CRB1: variants seen among roughly 807,000 people sequenced by gnomAD.
The protein encoded by CRB1 is crumbs cell polarity complex component 1.
Under a neutral mutation model 120.0 loss-of-function variants are expected in CRB1, and 83 were observed. The ratio of observed to expected loss-of-function variants is 0.69; its 90% CI spans 0.58 to 0.83. CRB1 has a LOEUF of 0.83. Among genes scored for constraint, CRB1 ranks in the 40% least tolerant of loss-of-function variants. The probability of loss-of-function intolerance (pLI) is 0.00; values close to 1 mark genes in which losing one functional copy is unlikely to be tolerated. For missense variants in CRB1, 1,699 were observed against 1,687.6 expected, an observed-to-expected ratio of 1.01 and a Z score of -0.12; for synonymous variants, 625 against 612.5, an observed-to-expected ratio of 1.02 and a Z score of -0.30.
chr1:197,329,079 AT>A, intron 2 of CRB1, 76 bp downstream of exon 2: 2 of 1,259,364 alleles, frequency 1.6e-6, no homozygotes, highest in South Asian at 2.4e-5. Flanking sequence ...GTGACATTTT[AT>A]TTTTCACACA....
At chr1:197,351,625 A>T (rs1660113668) in intron 4 of CRB1, among the ~76,000 whole-genome samples, 2 of 152,176 alleles carry the variant, frequency 1.3e-5, no homozygotes, top group African/African-American at 4.8e-5. Flanking sequence ...GATCAAAGAA[A>T]ATAACACTAA....
chr1:197,225,931 G>T, the CRB1 span, among the ~76,000 whole-genome samples: 2 of 151,478 alleles, frequency 1.3e-5, no homozygotes, highest in East Asian at 3.9e-4. Context: ...GACGGTAATC[G>T]CACTCTGTCA....
chr1:197,469,347 G>A (rs1186949175), intron 11 of CRB1, among the ~76,000 whole-genome samples: 1 of 152,172 alleles, frequency 6.6e-6, no homozygotes, highest in Non-Finnish European at 1.5e-5. Flanking sequence ...GCTGGATGGA[G>A]GATGTAGATT....
chr1:197,364,941 T>C (rs1167375923), intron 5 of CRB1, among the ~76,000 whole-genome samples: 1 of 152,196 alleles, frequency 6.6e-6, no homozygotes, highest in Admixed American at 6.5e-5. Flanking sequence ...TGTGATGACA[T>C]GATTTTGAAT....
Position 197,428,005 on chromosome 1 carries a change from A to AACAGC in CRB1, c.2676+4_2676+5insACAGC. ...TGCTGGAGACAACAGCTGCAAGGTA[A>AACAGC]TGATTACTCATACAAACTAGGTATA... On this transcript the variant is annotated splice_donor_region_variant and intron_variant, in intron 7 of 11. Transcript: ENST00000367400. 1 of 1,612,672 alleles carries AACAGC rather than the reference A, an allele frequency of 6.2e-7. No individual in the cohort carries two copies. The highest frequency in any genetic ancestry group is 8.5e-7 in the Non-Finnish European group (1 of 1,179,236).
intron 5 of CRB1, among the ~76,000 whole-genome samples, chr1:197,405,669 G>A (rs1663331187): frequency 6.6e-6 from 1 of 151,308 alleles, no homozygotes; most frequent in South Asian, 2.1e-4. Context: ...CTGAGATGTG[G>A]GGAGCGCCTC....
At chr1:197,390,081 A>G (rs989779801) in intron 5 of CRB1, among the ~76,000 whole-genome samples, 24 of 151,302 alleles carry the variant, frequency 1.6e-4, no homozygotes, top group Non-Finnish European at 2.7e-4. Flanking sequence ...GGAACAGGAG[A>G]CACTGTAGAA....
At chr1:197,415,065 TAATC>T in intron 5 of CRB1, among the ~76,000 whole-genome samples, 1 of 152,258 alleles carries the variant, frequency 6.6e-6, no homozygotes, top group South Asian at 2.1e-4. Context: ...AAGAAACACA[TAATC>T]AAATTATTGA....
chr1:197,307,740 G>A (rs565140389), intron 1 of CRB1, among the ~76,000 whole-genome samples: 4 of 152,182 alleles, frequency 2.6e-5, no homozygotes, highest in Admixed American at 2.0e-4. Flanking sequence ...ATTAGTACTG[G>A]AGGTATTACG....
chr1:197,220,438 C>G, the CRB1 span, among the ~76,000 whole-genome samples: 1 of 152,110 alleles, frequency 6.6e-6, no homozygotes, highest in Non-Finnish European at 1.5e-5. Context: ...AGCTGAATAC[C>G]TAGGCCCTGG....
chr1:197,214,041 G>A, the CRB1 span, among the ~76,000 whole-genome samples: 1 of 151,844 alleles, frequency 6.6e-6, no homozygotes, highest in African/African-American at 2.4e-5. Context: ...ATAAAGATAA[G>A]AGCCAAAATA....
intron 5 of CRB1, among the ~76,000 whole-genome samples, chr1:197,405,321 G>A (rs929041797): frequency 2.6e-5 from 4 of 152,102 alleles, no homozygotes; most frequent in African/African-American, 4.8e-5. Context: ...CGAGTGATCC[G>A]CCAGCCTCGG....
At chr1:197,214,221 T>A in the CRB1 span, among the ~76,000 whole-genome samples, 12 of 152,106 alleles carry the variant, frequency 7.9e-5, no homozygotes, top group African/African-American at 2.4e-4. Flanking sequence ...CATTTGATAC[T>A]ACAGAAAATC....
chr1:197,449,392 A>C (rs1387499028), intron 11 of CRB1, among the ~76,000 whole-genome samples: 1 of 152,040 alleles, frequency 6.6e-6, no homozygotes, highest in Non-Finnish European at 1.5e-5. Context: ...TTTGAGATGG[A>C]GTCTCGCACT....
chr1:197,376,010 T>G (rs1384952660), intron 5 of CRB1, among the ~76,000 whole-genome samples: 2 of 152,198 alleles, frequency 1.3e-5, no homozygotes, highest in Admixed American at 1.3e-4. Flanking sequence ...TAAGTCCTTA[T>G]CTTAACTGGC....
At chr1:197,373,297 A>C (rs985083602) in intron 5 of CRB1, among the ~76,000 whole-genome samples, 1 of 152,202 alleles carries the variant, frequency 6.6e-6, no homozygotes, top group African/African-American at 2.4e-5. Flanking sequence ...AGTATATTCA[A>C]CCAGTGTTCA....
At chr1:197,418,341 G>T (rs1026409580) in intron 5 of CRB1, among the ~76,000 whole-genome samples, 3 of 152,070 alleles carry the variant, frequency 2.0e-5, no homozygotes, top group African/African-American at 7.2e-5. Flanking sequence ...AGTTTTCTGT[G>T]CTTCCCAGGA....
At chr1:197,250,761 T>G in the CRB1 span, among the ~76,000 whole-genome samples, 1 of 152,002 alleles carries the variant, frequency 6.6e-6, no homozygotes, top group East Asian at 1.9e-4. Context: ...CTGTCTGACA[T>G]CCTTCCTAGG....
intron 6 of CRB1, among the ~76,000 whole-genome samples, chr1:197,424,564 G>A (rs1224225615): frequency 6.6e-6 from 1 of 152,046 alleles, no homozygotes; most frequent in Non-Finnish European, 1.5e-5. Context: ...TGTATGTGCT[G>A]GATGATACAG....
Sources: gnomAD v4.1 joint callset for allele counts (sites outside exome capture counted in the v4.1 genomes callset) on GRCh38, gnomAD v4.1.1 for gene constraint, MANE v1.5 for transcripts, NCBI Gene and HGNC (gene_info 2026-07-23, HGNC 2026-07-21) for gene names.